Variants in CADM1 observed in about 807,000 individuals in gnomAD.
The protein encoded by CADM1 is cell adhesion molecule 1.
A neutral mutation model predicts 53.1 loss-of-function variants in CADM1; 15 were observed. The observed-to-expected ratio is 0.28, with a 90% CI of 0.19 to 0.44. The LOEUF (loss-of-function observed/expected upper bound fraction) is 0.44. Among genes scored for constraint, CADM1 ranks in the 20% least tolerant of loss-of-function variants. CADM1 has a pLI of 1.00. For missense variants in CADM1, 434 were observed against 611.3 expected (o/e 0.71, Z 3.06); for synonymous variants, 281 against 243.0 (o/e 1.16, Z -1.45).
intron 1 of CADM1, among the ~76,000 whole-genome samples, chr11:115,410,711 A>G (rs1947440028): frequency 6.6e-6 from 1 of 152,234 alleles, no homozygotes; most frequent in Non-Finnish European, 1.5e-5. Context: ...GAAGAGAAAA[A>G]GGTTATTTAA....
chr11:115,489,775 A>G (rs1273627693), intron 1 of CADM1, among the ~76,000 whole-genome samples: 1 of 152,236 alleles, frequency 6.6e-6, no homozygotes, highest in African/African-American at 2.4e-5. Context: ...GAAGGGTTCA[A>G]AGAAAAGATA....
At chr11:115,451,260 G>C (rs1370488529) in intron 1 of CADM1, among the ~76,000 whole-genome samples, 1 of 152,190 alleles carries the variant, frequency 6.6e-6, no homozygotes, top group East Asian at 1.9e-4. Flanking sequence ...AGACCTGAAA[G>C]AAGCCTAACA....
intron 1 of CADM1, among the ~76,000 whole-genome samples, chr11:115,390,115 A>G (rs1172586413): frequency 6.6e-6 from 1 of 151,958 alleles, no homozygotes. Context: ...ATTACTGTGT[A>G]CCCTCCCATC....
At chr11:115,417,426 C>A (rs563698932) in intron 1 of CADM1, among the ~76,000 whole-genome samples, 1 of 152,268 alleles carries the variant, frequency 6.6e-6, no homozygotes, top group Admixed American at 6.5e-5. Flanking sequence ...TCCGGATATA[C>A]CAAACTCCAT....
At chr11:115,280,734 C>T (rs574360168) in intron 1 of CADM1, among the ~76,000 whole-genome samples, 41 of 152,270 alleles carry the variant, frequency 2.7e-4, no homozygotes, top group Non-Finnish European at 2.9e-5. Flanking sequence ...CAGTCTGTTC[C>T]GAGTGGGCAG....
intron 1 of CADM1, among the ~76,000 whole-genome samples, chr11:115,277,024 G>A (rs1026345284): frequency 6.6e-6 from 1 of 152,176 alleles, no homozygotes; most frequent in African/African-American, 2.4e-5. Context: ...GCGAGCCCGA[G>A]GGCAAAATAC....
intron 1 of CADM1, among the ~76,000 whole-genome samples, chr11:115,251,169 C>G (rs1272586960): frequency 6.6e-6 from 1 of 152,210 alleles, no homozygotes; most frequent in Non-Finnish European, 1.5e-5. Context: ...AGGACCCAAA[C>G]TCGAAAGGCA....
chr11:115,198,941 T>C lies in CADM1; in HGVS notation c.1079-503A>G, dbSNP rs1033965646. Among the ~76,000 whole-genome samples the C allele has an allele frequency of 1.5e-4, 23 of 152,372 alleles. 1 individual carries two copies. Among genetic ancestry groups the C allele is most frequent in the Admixed American group, 1.4e-3 (22 of 15,306 alleles). ...GGCATCACTGACTCAATCACACTTT[T>C]AGGATCCTTTTACTGCTTATGCTCA... On this transcript the variant is annotated intron_variant, in intron 8 of 11. Coordinates refer to ENST00000331581, the MANE Select transcript of CADM1 (RefSeq NM_001301043.2).
chr11:115,421,851 G>A (rs1169461156), intron 1 of CADM1, among the ~76,000 whole-genome samples: 1 of 152,154 alleles, frequency 6.6e-6, no homozygotes, highest in African/African-American at 2.4e-5. Flanking sequence ...ATATAAAAGG[G>A]ATCACGTCTC....
intron 1 of CADM1, among the ~76,000 whole-genome samples, chr11:115,315,351 T>G (rs1004381013): frequency 6.6e-6 from 1 of 152,192 alleles, no homozygotes; most frequent in Non-Finnish European, 1.5e-5. Flanking sequence ...ATTTTCATTG[T>G]GGAGAACTAC....
At chr11:115,267,820 A>G (rs547366896) in intron 1 of CADM1, among the ~76,000 whole-genome samples, 1 of 151,918 alleles carries the variant, frequency 6.6e-6, no homozygotes, top group East Asian at 1.9e-4. Flanking sequence ...AACCTCCGAG[A>G]AGGACACGTG....
intron 3 of CADM1, among the ~76,000 whole-genome samples, chr11:115,234,232 G>A (rs1941931045): frequency 6.6e-6 from 1 of 152,096 alleles, no homozygotes; most frequent in African/African-American, 2.4e-5. Flanking sequence ...ATTTCTCAGT[G>A]GAAAGTCTTT....
chr11:115,320,435 C>T (rs1944793350), intron 1 of CADM1, among the ~76,000 whole-genome samples: 1 of 152,050 alleles, frequency 6.6e-6, no homozygotes, highest in Admixed American at 6.6e-5. Context: ...TGCAGTAAAG[C>T]ATGTTTCCAT....
intron 1 of CADM1, among the ~76,000 whole-genome samples, chr11:115,446,771 G>C (rs911867069): frequency 1.3e-5 from 2 of 152,186 alleles, no homozygotes; most frequent in Non-Finnish European, 2.9e-5. Flanking sequence ...GCCTCGACTA[G>C]GAGACAACCA....
At chr11:115,386,307 C>T (rs926453243) in intron 1 of CADM1, among the ~76,000 whole-genome samples, 1 of 152,176 alleles carries the variant, frequency 6.6e-6, no homozygotes, top group Non-Finnish European at 1.5e-5. Flanking sequence ...CACTTATATC[C>T]TATGCAGAGC....
At chr11:115,495,484 G>A (rs1949588682) in intron 1 of CADM1, among the ~76,000 whole-genome samples, 1 of 152,180 alleles carries the variant, frequency 6.6e-6, no homozygotes. Flanking sequence ...GGCAGATATT[G>A]CTCCCAGATA....
At chr11:115,217,621 G>A (rs1941242653) in intron 6 of CADM1, among the ~76,000 whole-genome samples, 1 of 152,150 alleles carries the variant, frequency 6.6e-6, no homozygotes, top group Non-Finnish European at 1.5e-5. Flanking sequence ...GTGTGTGAGA[G>A]AAAATAGTCC....
At position 115,178,766 on chromosome 11, in the gene CADM1, G is replaced by C. The variant is rs763412969; in HGVS notation, c.1175C>G (p.Ala392Gly). 1.2e-6 allele frequency: 2 copies of C among 1,613,940 alleles called. No homozygotes were observed. Among genetic ancestry groups the C allele is most frequent in the Non-Finnish European group, 1.7e-6 (2 of 1,179,990 alleles). ...TGCCCTGATCGAGCCTTCTTCACCT[G>C]CTCGGGAATCTGTTAAAATCAGAAG... ...LDSEDLSDSR[A>G]GEEGSIRAVD... Residue 392 changes from alanine to glycine, a missense_variant, in exon 11 of 12, where the codon GCA (alanine) becomes GGA (glycine). By Grantham distance (60) the Ala-to-Gly change is moderately conservative. Coordinates refer to ENST00000331581, the MANE Select transcript of CADM1 (RefSeq NM_001301043.2).
intron 1 of CADM1, among the ~76,000 whole-genome samples, chr11:115,284,114 C>CTCTCTCTCTCTCTCTCTGTGTG (rs1351842329): frequency 1.8e-3 from 182 of 98,638 alleles, no homozygotes; most frequent in Non-Finnish European, 3.1e-3. Flanking sequence ...CTCTCTCTCT[C>CTCTCTCTCTCTCTCTCTGTGTG]TGTGTGTGTG....
Sources: allele counts gnomAD v4.1 joint callset (sites outside exome capture counted in the v4.1 genomes callset), GRCh38; gene constraint gnomAD v4.1.1; transcripts MANE v1.5; gene names NCBI Gene and HGNC (gene_info 2026-07-23, HGNC 2026-07-21).